The following TMEM178B variants were observed in gnomAD, a reference collection of about 807,000 sequenced individuals.
The protein encoded by TMEM178B is transmembrane protein 178B.
Under a neutral mutation model 31.0 loss-of-function variants are expected in TMEM178B, and 5 were observed. The observed-to-expected ratio is 0.16, with a 90% CI of 0.08 to 0.34. The LOEUF is 0.34. Ranked by LOEUF, TMEM178B falls within the 10% of genes least tolerant of loss-of-function variation. The probability of loss-of-function intolerance (pLI) is 1.00; values close to 1 mark genes in which losing one functional copy is unlikely to be tolerated. For synonymous variants in TMEM178B, 164 were observed against 164.0 expected, an observed-to-expected ratio of 1.00 and a Z score of 0.00; for missense variants, 275 against 400.3, an observed-to-expected ratio of 0.69 and a Z score of 2.67.
intron 1 of TMEM178B, among the ~76,000 whole-genome samples, chr7:141,139,232 C>T (rs1795727456): frequency 6.6e-6 from 1 of 152,208 alleles, no homozygotes; most frequent in South Asian, 2.1e-4. Flanking sequence ...AATGAATATG[C>T]AAAGATGAGT....
chr7:141,334,901 A>G (rs2116496571), intron 2 of TMEM178B, among the ~76,000 whole-genome samples: 1 of 152,358 alleles, frequency 6.6e-6, no homozygotes. Context: ...GCTGCCAGGC[A>G]GCTGGTAAAG....
Position 141,171,053 on chromosome 7 carries a change from CACACACACACA to C in TMEM178B, c.383-41537_383-41527del, listed in dbSNP as rs1796342419. ...ACACACACACACACACACACACACA[CACACACACACA>C]CCCTAAATATAAATTAAAATAAATA... On this transcript the variant is annotated intron_variant, in intron 1 of 3. Transcript: ENST00000565468. The surrounding 1 kb of genome is among the most constrained non-coding windows in gnomAD (Gnocchi z 4.3). Among the ~76,000 whole-genome samples, 2 of 64,818 alleles carry C rather than the reference CACACACACACA, an allele frequency of 3.1e-5. No homozygotes were observed. The highest frequency in any genetic ancestry group is 3.4e-4 in the South Asian group (1 of 2,956). 42.5% of individuals were successfully genotyped at this position (64,818 alleles called of 152,430 possible). A position where few individuals can be genotyped will look rare whatever the true frequency, so the allele number is the denominator to read the frequency against.
At chr7:141,502,777 A>G in the TMEM178B span, among the ~76,000 whole-genome samples, 2 of 152,156 alleles carry the variant, frequency 1.3e-5, no homozygotes, top group Non-Finnish European at 2.9e-5. Context: ...TCTAAAAAAA[A>G]AAAAAGATAA....
At chr7:141,102,325 T>C (rs1010054144) in intron 1 of TMEM178B, among the ~76,000 whole-genome samples, 3 of 152,208 alleles carry the variant, frequency 2.0e-5, no homozygotes, top group African/African-American at 7.2e-5. Flanking sequence ...GAAAGGTTTT[T>C]ATTCATAGGC....
At chr7:141,284,479 TCTC>T (rs1336986088) in intron 2 of TMEM178B, among the ~76,000 whole-genome samples, 11 of 152,342 alleles carry the variant, frequency 7.2e-5, no homozygotes, top group African/African-American at 2.4e-4. Context: ...ATTGACATTG[TCTC>T]CTCCTAACAT....
intron 2 of TMEM178B, among the ~76,000 whole-genome samples, chr7:141,349,657 A>G (rs1263244033): frequency 6.6e-6 from 1 of 152,180 alleles, no homozygotes; most frequent in Non-Finnish European, 1.5e-5. Flanking sequence ...GTTTCATGGA[A>G]CAAAGGAAAG....
intron 2 of TMEM178B, among the ~76,000 whole-genome samples, chr7:141,248,629 T>A (rs1440440822): frequency 6.6e-6 from 1 of 152,186 alleles, no homozygotes; most frequent in Non-Finnish European, 1.5e-5. Flanking sequence ...ATGATAAGTA[T>A]TTGTATATCG....
intron 2 of TMEM178B, among the ~76,000 whole-genome samples, chr7:141,279,770 C>G (rs934215736): frequency 6.6e-6 from 1 of 152,216 alleles, no homozygotes; most frequent in Non-Finnish European, 1.5e-5. Context: ...AGAAGCCAGC[C>G]GTGAGCAAAT....
intron 2 of TMEM178B, among the ~76,000 whole-genome samples, chr7:141,426,608 C>T (rs1207988592): frequency 2.0e-5 from 3 of 152,070 alleles, no homozygotes; most frequent in Admixed American, 1.3e-4. Flanking sequence ...CTTGTTGTGA[C>T]TAAAGCATGG....
intron 2 of TMEM178B, among the ~76,000 whole-genome samples, chr7:141,240,864 T>TAAGTTTTCTGA (rs1797605549): frequency 6.6e-6 from 1 of 151,944 alleles, no homozygotes; most frequent in Non-Finnish European, 1.5e-5. Context: ...CTAGCTTTTG[T>TAAGTTTTCTGA]TAAGTTTTCT....
At chr7:141,102,716 G>A (rs1795078748) in intron 1 of TMEM178B, among the ~76,000 whole-genome samples, 1 of 152,208 alleles carries the variant, frequency 6.6e-6, no homozygotes, top group African/African-American at 2.4e-5. Context: ...GAGGAGTACA[G>A]TGTATTTTAA....
intron 1 of TMEM178B, among the ~76,000 whole-genome samples, chr7:141,187,237 C>T (rs918189372): frequency 6.6e-6 from 1 of 151,456 alleles, no homozygotes; most frequent in African/African-American, 2.4e-5. Context: ...TGATGGTTTC[C>T]AGTTTCATCC....
At chr7:141,208,929 T>C (rs1327236018) in intron 1 of TMEM178B, among the ~76,000 whole-genome samples, 1 of 152,154 alleles carries the variant, frequency 6.6e-6, no homozygotes, top group African/African-American at 2.4e-5. Flanking sequence ...CTTGGAGGTG[T>C]TTTGTTGAAT....
At chr7:141,350,343 T>G (rs374019690) in intron 2 of TMEM178B, among the ~76,000 whole-genome samples, 5 of 152,072 alleles carry the variant, frequency 3.3e-5, no homozygotes, top group African/African-American at 1.2e-4. Flanking sequence ...TATATATCAC[T>G]CCTGGCATCG....
chr7:141,470,556 C>G lies in TMEM178B; in HGVS notation c.655C>G (p.Leu219Val), dbSNP rs1390799941. 6.6e-7 allele frequency: 1 copy of G among 1,523,068 alleles called. No individual in the cohort carries two copies. Among genetic ancestry groups the G allele is most frequent in the African/African-American group, 1.4e-5 (1 of 72,462 alleles). The allele number at this position is 1,523,068 out of a possible 1,614,324, so 94.3% of individuals were successfully genotyped here. Residue 219 changes from leucine to valine, a missense_variant, in exon 4 of 4, where the codon CTG (leucine) becomes GTG (valine). Leu to Val is a conservative substitution (Grantham distance 32). Coordinates refer to ENST00000565468, the MANE Select transcript of TMEM178B (RefSeq NM_001195278.2). ...TCCAGGAACCTTCTGCATCATTTCA[C>G]TGTGCACCTGTGTGGCCGGGATCAA... ...LMGGTFCIIS[L>V]CTCVAGINFE...
intron 2 of TMEM178B, among the ~76,000 whole-genome samples, chr7:141,275,360 T>C (rs773896936): frequency 6.6e-6 from 1 of 152,216 alleles, no homozygotes; most frequent in Non-Finnish European, 1.5e-5. Context: ...CTGCAGTTTT[T>C]ATGAATGTAT....
At chr7:141,390,997 CAG>C (rs1365422116) in intron 2 of TMEM178B, among the ~76,000 whole-genome samples, 3 of 152,054 alleles carry the variant, frequency 2.0e-5, no homozygotes, top group Non-Finnish European at 4.4e-5. Context: ...GAGCTTGACG[CAG>C]AAAGTGAATG....
chr7:141,487,833 C>A, the TMEM178B span, among the ~76,000 whole-genome samples: 1 of 145,624 alleles, frequency 6.9e-6, no homozygotes, highest in Non-Finnish European at 1.5e-5. Flanking sequence ...AAAAAGGAAA[C>A]ATTTCAAAAA....
intron 1 of TMEM178B, among the ~76,000 whole-genome samples, chr7:141,199,589 T>C (rs1470650264): frequency 6.6e-6 from 1 of 152,148 alleles, no homozygotes; most frequent in Non-Finnish European, 1.5e-5. Flanking sequence ...CTTCTCTCTC[T>C]CTCTCTTTTC....
Sources: gnomAD v4.1 joint callset for allele counts (sites outside exome capture counted in the v4.1 genomes callset) on GRCh38, gnomAD v4.1.1 for gene constraint, Gnocchi (gnomAD v3.1) non-coding constraint, MANE v1.5 for transcripts, NCBI Gene and HGNC (gene_info 2026-07-23, HGNC 2026-07-21) for gene names.